The following THEMIS variants were observed in gnomAD, a reference collection of about 807,000 sequenced individuals.
THEMIS encodes thymocyte selection associated.
In THEMIS, 37 loss-of-function variants were observed where a neutral mutation model predicts 52.6. The ratio of observed to expected loss-of-function variants is 0.70; its 90% confidence interval spans 0.54 to 0.93. The LOEUF is 0.93. THEMIS is among the 40% of genes least tolerant of loss of function. THEMIS has a pLI of 0.00. For synonymous variants in THEMIS, 292 were observed against 272.7 expected, an observed-to-expected ratio of 1.07 and a Z score of -0.70; for missense variants, 808 against 763.1, an observed-to-expected ratio of 1.06 and a Z score of -0.69.
chr6:127,783,774 T>C (rs946394846), intron 4 of THEMIS, among the ~76,000 whole-genome samples: 14 of 152,196 alleles, frequency 9.2e-5, no homozygotes, highest in African/African-American at 3.4e-4. Context: ...ACGAACACTG[T>C]TACACTGTTG....
chr6:127,889,576 G>A (rs896323340), intron 1 of THEMIS, among the ~76,000 whole-genome samples: 11 of 152,118 alleles, frequency 7.2e-5, no homozygotes, highest in South Asian at 6.2e-4. Flanking sequence ...GTAGAACTTC[G>A]TATTCATTTC....
At chr6:127,731,407 C>A (rs1365497424) in intron 4 of THEMIS, among the ~76,000 whole-genome samples, 1 of 151,958 alleles carries the variant, frequency 6.6e-6, no homozygotes, top group Admixed American at 6.6e-5. Flanking sequence ...ACAGAACTCT[C>A]ATGCAACTTA....
At chr6:127,699,659 G>A in the THEMIS span, among the ~76,000 whole-genome samples, 1 of 151,666 alleles carries the variant, frequency 6.6e-6, no homozygotes, top group East Asian at 1.9e-4. Flanking sequence ...CAATCAACTT[G>A]CAAAAGCCAT....
chr6:127,791,108 A>G (rs1230815822), intron 4 of THEMIS, among the ~76,000 whole-genome samples: 1 of 152,170 alleles, frequency 6.6e-6, no homozygotes, highest in African/African-American at 2.4e-5. Context: ...TGTTTGTGTT[A>G]CATCTCTTTC....
intron 4 of THEMIS, among the ~76,000 whole-genome samples, chr6:127,790,011 T>C (rs139795021): frequency 0.032 from 4,817 of 152,254 alleles, 251 homozygotes; most frequent in African/African-American, 0.11. Context: ...AACATAGTAT[T>C]GGAAGTTCTG....
At chr6:127,798,270 G>A (rs1266661149) in intron 4 of THEMIS, among the ~76,000 whole-genome samples, 1 of 151,910 alleles carries the variant, frequency 6.6e-6, no homozygotes, top group Non-Finnish European at 1.5e-5. Context: ...ACATAACAGT[G>A]GATCTTATTT....
chr6:127,734,064 G>A (rs908858625), intron 4 of THEMIS, among the ~76,000 whole-genome samples: 5 of 151,790 alleles, frequency 3.3e-5, no homozygotes, highest in African/African-American at 1.2e-4. Context: ...TTCATGCTGT[G>A]GTAAACTCTA....
At chr6:127,862,785 C>A (rs1055199908) in intron 1 of THEMIS, among the ~76,000 whole-genome samples, 6 of 152,020 alleles carry the variant, frequency 3.9e-5, no homozygotes, top group African/African-American at 1.4e-4. Context: ...ACAGAGACAG[C>A]AAATATGTGC....
At chr6:127,749,379 C>T (rs1017490964) in intron 4 of THEMIS, among the ~76,000 whole-genome samples, 12 of 151,978 alleles carry the variant, frequency 7.9e-5, no homozygotes, top group East Asian at 1.9e-4. Flanking sequence ...GTCACGTTAG[C>T]GGGGAAGGAA....
chr6:127,907,624 T>C (rs1781309011), intron 1 of THEMIS, among the ~76,000 whole-genome samples: 1 of 151,890 alleles, frequency 6.6e-6, no homozygotes, highest in Non-Finnish European at 1.5e-5. Flanking sequence ...ATTAGGCAGT[T>C]GTCTCAGCTA....
chr6:127,820,938 AT>A (rs1170153300), intron 3 of THEMIS, among the ~76,000 whole-genome samples: 2 of 151,998 alleles, frequency 1.3e-5, no homozygotes, highest in African/African-American at 2.4e-5. Context: ...GGTTTCATTA[AT>A]TTTTATGGCA....
intron 4 of THEMIS, among the ~76,000 whole-genome samples, chr6:127,811,136 G>A (rs1277626374): frequency 1.3e-5 from 2 of 152,156 alleles, no homozygotes; most frequent in East Asian, 1.9e-4. Context: ...GACTGTCTAT[G>A]GTTTTTAAGT....
the THEMIS span, among the ~76,000 whole-genome samples, chr6:127,703,035 G>GTTTTTTTTTTTTTTTTTTTT: frequency 1.6e-4 from 13 of 82,384 alleles, 2 homozygotes; most frequent in East Asian, 4.1e-4. Context: ...TTTAGAATGA[G>GTTTTTTTTTTTTTTTTTTTT]TTTTTTTTTT....
At chr6:127,824,805 G>A (rs1778451181) in intron 3 of THEMIS, among the ~76,000 whole-genome samples, 1 of 152,140 alleles carries the variant, frequency 6.6e-6, no homozygotes, top group Non-Finnish European at 1.5e-5. Flanking sequence ...GGCGCCTGTA[G>A]TCCCAGCTAC....
intron 4 of THEMIS, among the ~76,000 whole-genome samples, chr6:127,791,594 G>A (rs190016191): frequency 7.9e-5 from 12 of 152,278 alleles, no homozygotes; most frequent in Middle Eastern, 3.4e-3. Context: ...CCTGAAGATG[G>A]GGCTTTACTG....
At position 127,870,416 on chromosome 6, in the gene THEMIS, C is replaced by T. The variant is rs534515074; in HGVS notation, c.92-15228G>A. 5.3e-5 allele frequency among the ~76,000 whole-genome samples: 8 copies of T among 152,250 alleles called. No individual in the cohort carries two copies. The South Asian group carries it at 1.5e-3, about 28-fold the overall frequency. The stretch of plus-strand genomic sequence containing the variant: ...CTTGGCAATAATGAGACACTGCTTC[C>T]TGCTGTAGCAGTGTCAAAGAAACAA... On this transcript the variant is annotated intron_variant, in intron 1 of 5. Coordinates refer to ENST00000368248, the MANE Select transcript of THEMIS (RefSeq NM_001010923.3).
intron 4 of THEMIS, among the ~76,000 whole-genome samples, chr6:127,776,539 T>G (rs1776571788): frequency 6.6e-6 from 1 of 152,220 alleles, no homozygotes; most frequent in Non-Finnish European, 1.5e-5. Context: ...AGAACCCCTC[T>G]GAGTCAGCAA....
At chr6:127,861,895 T>A (rs1229276588) in intron 1 of THEMIS, among the ~76,000 whole-genome samples, 1 of 151,998 alleles carries the variant, frequency 6.6e-6, no homozygotes, top group Non-Finnish European at 1.5e-5. Context: ...AGGTCATTAA[T>A]TGAAATTGTG....
chr6:127,852,215 C>T (rs993357225), intron 2 of THEMIS, among the ~76,000 whole-genome samples: 6 of 151,518 alleles, frequency 4.0e-5, no homozygotes, highest in South Asian at 2.1e-4. Context: ...ACATATACCC[C>T]TACCATCAGA....
Sources: allele counts gnomAD v4.1 joint callset (sites outside exome capture counted in the v4.1 genomes callset), GRCh38; gene constraint gnomAD v4.1.1; transcripts MANE v1.5; gene names NCBI Gene and HGNC (gene_info 2026-07-23, HGNC 2026-07-21).